CCDC171: variants seen among roughly 807,000 people sequenced by gnomAD.
CCDC171 encodes coiled-coil domain-containing protein 171.
Under a neutral mutation model 168.2 loss-of-function variants are expected in CCDC171, and 177 were observed. The ratio of observed to expected loss-of-function variants is 1.05; its 90% confidence interval spans 0.93 to 1.19. The LOEUF (loss-of-function observed/expected upper bound fraction) is 1.19. Among genes scored for constraint, CCDC171 ranks in the 50% most tolerant of loss-of-function variants. CCDC171 has a pLI of 0.00. For missense variants in CCDC171, 1,991 were observed against 1,539.0 expected (o/e 1.29, Z -4.91); for synonymous variants, 687 against 540.8 (o/e 1.27, Z -3.75).
intron 25 of CCDC171, among the ~76,000 whole-genome samples, chr9:15,925,701 G>A (rs1180663050): frequency 6.6e-6 from 1 of 151,582 alleles, no homozygotes; most frequent in African/African-American, 2.4e-5. Flanking sequence ...AGTGGAATGG[G>A]GGGAATATTG....
At chr9:15,681,146 T>G (rs79267549) in intron 10 of CCDC171, among the ~76,000 whole-genome samples, 9,700 of 152,224 alleles carry the variant, frequency 0.064, 384 homozygotes, top group African/African-American at 0.1. Context: ...TGGGACCGTC[T>G]GCACTCGTTG....
At chr9:15,653,097 T>A (rs1010868363) in intron 7 of CCDC171, among the ~76,000 whole-genome samples, 1 of 152,192 alleles carries the variant, frequency 6.6e-6, no homozygotes, top group African/African-American at 2.4e-5. Context: ...CGTGAAAGTC[T>A]TAATTCATTC....
chr9:16,017,662 T>C (rs966715669), intron 3 of CCDC171, among the ~76,000 whole-genome samples: 1 of 152,230 alleles, frequency 6.6e-6, no homozygotes. Flanking sequence ...GCACAAGTAT[T>C]AATAATATCA....
chr9:15,862,632 A>G (rs73644961), intron 23 of CCDC171, among the ~76,000 whole-genome samples: 3,692 of 148,996 alleles, frequency 0.025, 157 homozygotes, highest in African/African-American at 0.087. Context: ...ATTAAGGAGA[A>G]AAAAAAAAAG....
chr9:16,107,181 G>A, the CCDC171 span, among the ~76,000 whole-genome samples: 6 of 151,856 alleles, frequency 4.0e-5, no homozygotes, highest in Non-Finnish European at 7.4e-5. Flanking sequence ...ACAAGGCCTC[G>A]CTCTGTCACC....
intron 3 of CCDC171, among the ~76,000 whole-genome samples, chr9:15,576,864 C>T (rs894859090): frequency 1.3e-5 from 2 of 152,158 alleles, no homozygotes; most frequent in East Asian, 1.9e-4. Context: ...CTGTGGTGAA[C>T]AGAGCGGTGT....
chr9:15,666,317 TA>T lies in CCDC171; in HGVS notation c.1073del (p.Asn358IlefsTer3). The T allele has an allele frequency of 3.7e-6, 6 of 1,602,740 alleles. No homozygotes were observed. Among genetic ancestry groups the T allele is most frequent in the Non-Finnish European group, 4.3e-6 (5 of 1,173,800 alleles). On this transcript the variant is annotated frameshift_variant, in exon 9 of 26. Transcript: ENST00000380701. LOFTEE classifies it high-confidence loss of function. Reference protein sequence around the residue: ...KHNAQESFAKLNLLEKEYFSK... With the variant: ...KHNAQESFAKXNLLEKEYFSK... ...AATGCACAAGAGAGCTTTGCAAAAC[TA>T]AATTTGTAAGTATTCTATTGTAAAA... is the stretch of plus-strand genomic sequence containing the variant.
intron 3 of CCDC171, among the ~76,000 whole-genome samples, chr9:15,987,121 A>G (rs1832014517): frequency 6.6e-6 from 1 of 152,204 alleles, no homozygotes; most frequent in Non-Finnish European, 1.5e-5. Flanking sequence ...TCTGTAACAG[A>G]AACTATTGAA....
chr9:15,915,183 A>G (rs960474841), intron 24 of CCDC171, among the ~76,000 whole-genome samples: 1 of 152,190 alleles, frequency 6.6e-6, no homozygotes, highest in African/African-American at 2.4e-5. Context: ...GTAATTTGAT[A>G]GAGATTGCAT....
chr9:15,942,620 G>A (rs145297005), intron 25 of CCDC171, among the ~76,000 whole-genome samples: 34 of 151,938 alleles, frequency 2.2e-4, no homozygotes, highest in African/African-American at 7.2e-4. Context: ...AATCTGTAGC[G>A]CTGAAAAATA....
At chr9:16,092,918 G>C in the CCDC171 span, among the ~76,000 whole-genome samples, 1 of 152,246 alleles carries the variant, frequency 6.6e-6, no homozygotes, top group Non-Finnish European at 1.5e-5. Context: ...TGTGCAGCCT[G>C]GTGGCCTTCT....
At chr9:15,767,986 C>T (rs1015415024) in intron 18 of CCDC171, among the ~76,000 whole-genome samples, 4 of 149,956 alleles carry the variant, frequency 2.7e-5, no homozygotes, top group African/African-American at 4.9e-5. Context: ...GCACCCACCT[C>T]GGTCTCCCAA....
chr9:15,593,062 C>G (rs2042106012), intron 5 of CCDC171, among the ~76,000 whole-genome samples: 1 of 151,970 alleles, frequency 6.6e-6, no homozygotes, highest in Non-Finnish European at 1.5e-5. Flanking sequence ...GTGATGTTCC[C>G]CTTCACTAAT....
chr9:15,930,641 A>G (rs770283375), intron 25 of CCDC171, among the ~76,000 whole-genome samples: 15 of 151,674 alleles, frequency 9.9e-5, no homozygotes, highest in Non-Finnish European at 1.9e-4. Flanking sequence ...AGGCCTAGCA[A>G]AAAGTAAGAC....
intron 25 of CCDC171, among the ~76,000 whole-genome samples, chr9:15,926,607 A>T (rs1825925586): frequency 6.6e-6 from 1 of 151,648 alleles, no homozygotes; most frequent in Admixed American, 6.6e-5. Flanking sequence ...GCCTGGATGT[A>T]CATTCTGACA....
chr9:15,848,416 T>A (rs2060991352), intron 22 of CCDC171, among the ~76,000 whole-genome samples: 1 of 151,942 alleles, frequency 6.6e-6, no homozygotes, highest in African/African-American at 2.4e-5. Flanking sequence ...TCTGTGTAAT[T>A]ATTATAGCAT....
At chr9:15,753,869 C>G (rs1397575442) in intron 18 of CCDC171, among the ~76,000 whole-genome samples, 2 of 152,068 alleles carry the variant, frequency 1.3e-5, no homozygotes, top group East Asian at 3.8e-4. Context: ...ATGGTCCATA[C>G]AGGTAGATAA....
At chr9:15,890,781 C>T (rs1216939750) in intron 24 of CCDC171, among the ~76,000 whole-genome samples, 3 of 152,022 alleles carry the variant, frequency 2.0e-5, no homozygotes, top group East Asian at 1.9e-4. Flanking sequence ...AAAATGGTAA[C>T]AATATTTTTT....
At chr9:16,038,881 A>AAAG (rs1554714921), upstream of CCDC171, among the ~76,000 whole-genome samples, 84 of 135,128 alleles carry the variant, frequency 6.2e-4, 2 homozygotes, top group Non-Finnish European at 8.7e-4. Flanking sequence ...AAAAAAAAAA[A>AAAG]AAAGCTGAAT....
Sources: gnomAD v4.1 joint callset for allele counts (sites outside exome capture counted in the v4.1 genomes callset) on GRCh38, gnomAD v4.1.1 for gene constraint, MANE v1.5 for transcripts, NCBI Gene and HGNC (gene_info 2026-07-23, HGNC 2026-07-21) for gene names.